C14orf132: variants seen among roughly 807,000 people sequenced by gnomAD.
C14orf132 encodes uncharacterized protein C14orf132.
In C14orf132, 6 loss-of-function variants were observed where a neutral mutation model predicts 5.8. That is an observed-to-expected ratio of 1.03 (90% CI 0.57 to 2.04). C14orf132 has a LOEUF of 2.04. Among genes scored for constraint, C14orf132 ranks in the 30% most tolerant of loss-of-function variants. The probability of loss-of-function intolerance (pLI) is 0.00; values close to 1 mark genes in which losing one functional copy is unlikely to be tolerated. For missense variants in C14orf132, 125 were observed against 115.8 expected (o/e 1.08, Z -0.37); for synonymous variants, 51 against 49.8 (o/e 1.02, Z -0.10).
chr14:96,081,434 T>A (rs1888029676), intron 1 of C14orf132, among the ~76,000 whole-genome samples: 1 of 152,194 alleles, frequency 6.6e-6, no homozygotes, highest in South Asian at 2.1e-4. Flanking sequence ...CATCACGCCC[T>A]CAGGATTCTT....
At position 96,039,522 on chromosome 14, in the gene C14orf132, G is replaced by A; in HGVS notation, c.22G>A (p.Ala8Thr). Residue 8 changes from alanine (A) to threonine (T), a missense_variant, in exon 1 of 2, where the codon GCG becomes ACG. By Grantham distance (58) the Ala-to-Thr change is moderately conservative. Coordinates refer to ENST00000555004, the MANE Select transcript of C14orf132 (RefSeq NM_001252507.3). The surrounding 1 kb of genome is among the most constrained non-coding windows in gnomAD (Gnocchi z 5.3). ...CACCATGGATCTCTCCTTTATGGCCGCGCAGGTAACGGGGCGTCCCCCCCA... is the reference window on the plus strand; with the variant it reads ...CACCATGGATCTCTCCTTTATGGCCACGCAGGTAACGGGGCGTCCCCCCCA... MDLSFMA[A>T]QLPMMGGAFM... 1 of 1,502,538 alleles carries A rather than the reference G, an allele frequency of 6.7e-7. No homozygotes were observed. The highest frequency in any genetic ancestry group is 8.9e-7 in the Non-Finnish European group (1 of 1,129,554). 93.1% of individuals were successfully genotyped at this position (1,502,538 alleles called of 1,614,324 possible).
intron 1 of C14orf132, among the ~76,000 whole-genome samples, chr14:96,048,422 A>G (rs1011778581): frequency 2.6e-5 from 4 of 152,208 alleles, no homozygotes; most frequent in Admixed American, 1.3e-4. Flanking sequence ...CCAGGGTATC[A>G]TAGTTGGAAT....
intron 1 of C14orf132, among the ~76,000 whole-genome samples, chr14:96,056,477 A>G (rs1459301379): frequency 6.6e-6 from 1 of 152,186 alleles, no homozygotes; most frequent in African/African-American, 2.4e-5. Context: ...AGGGTTTCAG[A>G]GGAAATCAGA....
intron 1 of C14orf132, among the ~76,000 whole-genome samples, chr14:96,047,999 C>T (rs535317404): frequency 5.3e-5 from 8 of 152,264 alleles, no homozygotes; most frequent in Admixed American, 2.6e-4. Flanking sequence ...ACCAGCCTGA[C>T]CAACATGATG....
intron 1 of C14orf132, among the ~76,000 whole-genome samples, chr14:96,062,498 T>G (rs2139660104): frequency 6.6e-6 from 1 of 152,290 alleles, no homozygotes; most frequent in South Asian, 2.1e-4. Context: ...AAAGCTGACA[T>G]GGAGATTGCA....
intron 1 of C14orf132, among the ~76,000 whole-genome samples, chr14:96,053,339 A>T (rs1254461109): frequency 6.6e-6 from 1 of 152,178 alleles, no homozygotes; most frequent in East Asian, 1.9e-4. Context: ...CGCTAAGGGC[A>T]CCTTGTCCTG....
rs1888296535 is a variant in C14orf132, at chr14:96,088,953, T to A, written c.*2218T>A. The A allele has an allele frequency of 6.6e-6, 1 of 152,260 alleles. No individual in the cohort carries two copies. The highest frequency in any genetic ancestry group is 1.5e-5 in the Non-Finnish European group (1 of 68,074). 9.4% of individuals were successfully genotyped at this position (152,260 alleles called of 1,614,324 possible). A position where few individuals can be genotyped will look rare whatever the true frequency, so the allele number is the denominator to read the frequency against. On this transcript the variant is annotated 3_prime_UTR_variant, in exon 2 of 2. Coordinates refer to ENST00000555004, the MANE Select transcript of C14orf132 (RefSeq NM_001252507.3). ...AGCCCTAACATAAATGTCGGTTAAATTCAGTTTTCAAGCCTCTCTCCCTTT... is the reference window on the plus strand; with the variant it reads ...AGCCCTAACATAAATGTCGGTTAAAATCAGTTTTCAAGCCTCTCTCCCTTT...
At chr14:96,071,070 G>A (rs1280506451) in intron 1 of C14orf132, among the ~76,000 whole-genome samples, 1 of 152,140 alleles carries the variant, frequency 6.6e-6, no homozygotes. Context: ...CCTGAGACTG[G>A]GTAATTTATA....
At chr14:96,078,743 C>T (rs922601074) in intron 1 of C14orf132, among the ~76,000 whole-genome samples, 4 of 152,206 alleles carry the variant, frequency 2.6e-5, no homozygotes, top group African/African-American at 9.6e-5. Flanking sequence ...AGGTACCACC[C>T]ATCCCTTCAG....
chr14:96,049,762 ATTT>A (rs775639023), intron 1 of C14orf132, among the ~76,000 whole-genome samples: 1 of 122,632 alleles, frequency 8.2e-6, no homozygotes. Context: ...TAGTCTCTTC[ATTT>A]TTTTTTTTTT....
intron 1 of C14orf132, among the ~76,000 whole-genome samples, chr14:96,061,844 A>C (rs1220639447): frequency 6.6e-6 from 1 of 152,160 alleles, no homozygotes; most frequent in African/African-American, 2.4e-5. Flanking sequence ...CAAGAGTTTG[A>C]GGCTACAGTG....
intron 1 of C14orf132, among the ~76,000 whole-genome samples, chr14:96,077,057 G>C (rs1298634293): frequency 6.6e-6 from 1 of 152,194 alleles, no homozygotes; most frequent in Non-Finnish European, 1.5e-5. Context: ...TTTGCTTTAT[G>C]ACCCAGGATA....
intron 1 of C14orf132, among the ~76,000 whole-genome samples, chr14:96,056,764 C>T (rs1887195856): frequency 6.6e-6 from 1 of 152,110 alleles, no homozygotes; most frequent in Non-Finnish European, 1.5e-5. Flanking sequence ...GATGGAAAAA[C>T]TCCTGGAGTT....
intron 1 of C14orf132, among the ~76,000 whole-genome samples, chr14:96,062,560 T>A (rs986135941): frequency 3.9e-5 from 6 of 152,150 alleles, no homozygotes; most frequent in African/African-American, 1.4e-4. Flanking sequence ...GCACTGCCTG[T>A]TTCAATTGGA....
intron 1 of C14orf132, among the ~76,000 whole-genome samples, chr14:96,077,824 C>T (rs1887920596): frequency 6.6e-6 from 1 of 152,238 alleles, no homozygotes; most frequent in Non-Finnish European, 1.5e-5. Context: ...AGGTGCACCC[C>T]TCAGGGGTTA....
Position 96,047,630 on chromosome 14 carries a change from C to T in C14orf132, c.27+8103C>T, listed in dbSNP as rs990303478. ...AATGGCCCCTTGGAATAGGCACATT[C>T]AGATCCATTTTATAGGTGAGGAAAC... On this transcript the variant is annotated intron_variant, in intron 1 of 1. Transcript: ENST00000555004. Among the ~76,000 whole-genome samples the T allele has an allele frequency of 3.6e-4, 55 of 152,208 alleles. 3 individuals carry two copies.
chr14:96,084,111 G>A (rs1429101603), intron 1 of C14orf132, among the ~76,000 whole-genome samples: 2 of 152,208 alleles, frequency 1.3e-5, no homozygotes, highest in East Asian at 3.8e-4. Flanking sequence ...CAGGACATAT[G>A]CCCAGAGAGC....
intron 1 of C14orf132, among the ~76,000 whole-genome samples, chr14:96,045,768 T>C (rs1406819816): frequency 6.6e-6 from 1 of 152,254 alleles, no homozygotes; most frequent in African/African-American, 2.4e-5. Flanking sequence ...TTTCTGTTAC[T>C]TACTGCTTAT....
In C14orf132 at chr14:96,089,688, C is replaced by A. The variant is rs1888318465; in HGVS notation, c.*2953C>A. 6.6e-6 allele frequency: 1 copy of A among 152,292 alleles called. No homozygotes were observed. The highest frequency in any genetic ancestry group is 2.1e-4 in the South Asian group (1 of 4,816). 9.4% of individuals were successfully genotyped at this position (152,292 alleles called of 1,614,324 possible). A position where few individuals can be genotyped will look rare whatever the true frequency, so the allele number is the denominator to read the frequency against. Reference sequence around the variant, plus strand: ...TGCCCAGATTTCAGGGGTGCCGGTCCCCAAGGCCTGCCCCCTTCTTTAAGA... The same window carrying A: ...TGCCCAGATTTCAGGGGTGCCGGTCACCAAGGCCTGCCCCCTTCTTTAAGA... On this transcript the variant is annotated 3_prime_UTR_variant, in exon 2 of 2. Transcript: ENST00000555004.
Sources: gnomAD v4.1 joint callset for allele counts (sites outside exome capture counted in the v4.1 genomes callset) on GRCh38, gnomAD v4.1.1 for gene constraint, Gnocchi (gnomAD v3.1) non-coding constraint, MANE v1.5 for transcripts, NCBI Gene and HGNC (gene_info 2026-07-23, HGNC 2026-07-21) for gene names.